The following TAF4 variants were observed in gnomAD, a reference collection of about 807,000 sequenced individuals.
TAF4 encodes the protein TATA-box binding protein associated factor 4.
TAF4 carries 9 observed loss-of-function variants against 90.3 expected under a neutral mutation model. The observed-to-expected ratio is 0.10, with a 90% CI of 0.06 to 0.17. TAF4 has a LOEUF of 0.17. TAF4 is among the 10% of genes least tolerant of loss of function. The probability of loss-of-function intolerance (pLI) is 1.00; values close to 1 mark genes in which losing one functional copy is unlikely to be tolerated. For synonymous variants in TAF4, 818 were observed against 638.9 expected (o/e 1.28, Z -4.23); for missense variants, 1,351 against 1,370.7 (o/e 0.99, Z 0.23).
intron 5 of TAF4, chr20:62,008,705 G>A (rs553454451): frequency 5.2e-6 from 1 of 191,668 alleles, no homozygotes; most frequent in Non-Finnish European, 1.1e-5. Flanking sequence ...CACAGGAGTG[G>A]GGAGAGGGCC....
At chr20:62,062,491 G>A (rs991912200) in intron 1 of TAF4, among the ~76,000 whole-genome samples, 3 of 152,122 alleles carry the variant, frequency 2.0e-5, no homozygotes, top group East Asian at 1.9e-4. Context: ...ATGAAGAGAT[G>A]GGGTAAATCT....
chr20:61,996,307 G>A (rs886520811), intron 14 of TAF4, among the ~76,000 whole-genome samples: 2 of 151,998 alleles, frequency 1.3e-5, no homozygotes, highest in South Asian at 2.1e-4. Flanking sequence ...ACCTGAGCCC[G>A]GGGATGTCGA....
chr20:62,035,457 G>A (rs1234694070), intron 1 of TAF4, among the ~76,000 whole-genome samples: 2 of 152,160 alleles, frequency 1.3e-5, no homozygotes, highest in Non-Finnish European at 2.9e-5. Context: ...GACCACAGAG[G>A]TGAGGAAGGA....
chr20:62,014,218 A>G (rs2123150269), intron 2 of TAF4, among the ~76,000 whole-genome samples: 1 of 152,192 alleles, frequency 6.6e-6, no homozygotes. Context: ...GGGGACAGGC[A>G]CAGGAAGGTG....
At chr20:62,017,258 T>C (rs118160518) in intron 1 of TAF4, among the ~76,000 whole-genome samples, 3,426 of 152,272 alleles carry the variant, frequency 0.022, 51 homozygotes, top group Middle Eastern at 0.061. Context: ...TCAGTGTCCG[T>C]CCCAGTGCCT....
rs1246675726 is a variant in TAF4, at chr20:61,996,755, C to T, written c.3090+795G>A. Among the ~76,000 whole-genome samples, 6 of 149,924 alleles carry T rather than the reference C, an allele frequency of 4.0e-5. 1 individual carries two copies. Among genetic ancestry groups the T allele is most frequent in the Admixed American group, 6.6e-5 (1 of 15,050 alleles). On this transcript the variant is annotated intron_variant, in intron 14 of 14. Transcript: ENST00000252996. ...CGGAGGTTGCAGTGAGCCAACATCACGCCACTGCGCTCCCACCTGGCGACA... is the reference window on the plus strand; with the variant it reads ...CGGAGGTTGCAGTGAGCCAACATCATGCCACTGCGCTCCCACCTGGCGACA...
At chr20:61,996,991 A>G (rs1370851032) in intron 14 of TAF4, among the ~76,000 whole-genome samples, 1 of 152,184 alleles carries the variant, frequency 6.6e-6, no homozygotes, top group Admixed American at 6.5e-5. Context: ...TAAGGAGGGA[A>G]ACATAAAAGA....
At chr20:61,989,781 CAGTG>C (rs919556212) in intron 14 of TAF4, among the ~76,000 whole-genome samples, 3 of 152,202 alleles carry the variant, frequency 2.0e-5, no homozygotes, top group African/African-American at 7.2e-5. Context: ...CACAGCACTG[CAGTG>C]AGTGAACGAA....
In TAF4 at chr20:62,039,955, G is replaced by C. The variant is rs188484546; in HGVS notation, c.1360+24496C>G. 2.0e-5 allele frequency among the ~76,000 whole-genome samples: 3 copies of C among 152,270 alleles called. No homozygotes were observed. The East Asian group carries it at 5.8e-4, about 29-fold the overall frequency. ...ATCAAAGCCACAACATAATGGCACG[G>C]CACCCATCGAAAAGGCTAAAATTCA... On this transcript the variant is annotated intron_variant, in intron 1 of 14. Transcript: ENST00000252996.
chr20:61,976,878 A>G (rs553169724), intron 14 of TAF4, among the ~76,000 whole-genome samples: 43 of 152,292 alleles, frequency 2.8e-4, no homozygotes, highest in African/African-American at 1.0e-3. Flanking sequence ...CCCTGGCTGC[A>G]CAGACGCCGC....
At chr20:62,041,859 A>T (rs952203395) in intron 1 of TAF4, among the ~76,000 whole-genome samples, 6 of 151,356 alleles carry the variant, frequency 4.0e-5, no homozygotes, top group African/African-American at 1.5e-4. Flanking sequence ...ACATGAGCCC[A>T]GGAGTTCAAG....
chr20:61,979,871 C>T (rs1368011866), intron 14 of TAF4, among the ~76,000 whole-genome samples: 3 of 150,694 alleles, frequency 2.0e-5, no homozygotes, highest in African/African-American at 2.4e-5. Flanking sequence ...GACTGCGGCC[C>T]GTGCAGGCGC....
chr20:62,062,160 G>A (rs1434712732), intron 1 of TAF4, among the ~76,000 whole-genome samples: 1 of 152,206 alleles, frequency 6.6e-6, no homozygotes, highest in Non-Finnish European at 1.5e-5. Flanking sequence ...GTTGTAATGA[G>A]AATGAGTTAT....
chr20:62,046,652 G>A (rs560032288), intron 1 of TAF4, among the ~76,000 whole-genome samples: 4 of 152,306 alleles, frequency 2.6e-5, no homozygotes, highest in South Asian at 2.1e-4. Context: ...TGCCGCACAC[G>A]GTCAATCAGT....
intron 14 of TAF4, among the ~76,000 whole-genome samples, chr20:61,981,791 C>T (rs113563433): frequency 6.4e-5 from 9 of 139,764 alleles, no homozygotes; most frequent in African/African-American, 8.0e-5. Context: ...CACACCCACC[C>T]GAGAGGAGAC....
At chr20:62,047,304 G>C (rs1279804567) in intron 1 of TAF4, among the ~76,000 whole-genome samples, 1 of 152,062 alleles carries the variant, frequency 6.6e-6, no homozygotes, top group Non-Finnish European at 1.5e-5. Context: ...TACCCCGAGA[G>C]GTCACACCAC....
chr20:61,989,824 G>C (rs2055619637), intron 14 of TAF4, among the ~76,000 whole-genome samples: 1 of 152,232 alleles, frequency 6.6e-6, no homozygotes. Context: ...AACCAACGAG[G>C]AGGGGCGAAG....
intron 1 of TAF4, among the ~76,000 whole-genome samples, chr20:62,036,073 G>A (rs552907854): frequency 6.7e-6 from 1 of 148,620 alleles, no homozygotes; most frequent in African/African-American, 2.5e-5. Flanking sequence ...GCCCTGCCTC[G>A]AGTGCAGTGG....
chr20:62,064,963 G>A lies in TAF4; in HGVS notation c.848C>T (p.Pro283Leu), dbSNP rs1468584338. ...PPPAPATLARPPGHPAGPPTA... is the reference protein window; with the variant it reads ...PPPAPATLARLPGHPAGPPTA... ...CGGGGGTCCGGCGGGGTGGCCGGGC[G>A]GCCGGGCCAGAGTGGCGGGCGCGGG... is the stretch of plus-strand genomic sequence containing the variant. The change falls in exon 1 of 15, where the codon CCG (proline) becomes CTG (leucine). Residue 283 changes from proline to leucine, a missense_variant. By Grantham distance (98) the Pro-to-Leu change is moderately conservative (BLOSUM62 -3). Coordinates refer to ENST00000252996, the MANE Select transcript of TAF4 (RefSeq NM_003185.4). The A allele has an allele frequency of 1.4e-5, 6 of 429,878 alleles. No individual in the cohort carries two copies. The highest frequency in any genetic ancestry group is 2.4e-5 in the African/African-American group (1 of 42,318). 26.6% of individuals were successfully genotyped at this position (429,878 alleles called of 1,614,324 possible).
Sources: allele counts gnomAD v4.1 joint callset (sites outside exome capture counted in the v4.1 genomes callset), GRCh38; gene constraint gnomAD v4.1.1; transcripts MANE v1.5; gene names NCBI Gene and HGNC (gene_info 2026-07-23, HGNC 2026-07-21).